The following PCDHGB3 variants were observed in gnomAD, a reference collection of about 807,000 sequenced individuals.
PCDHGB3 encodes the protein protocadherin gamma-B3.
PCDHGB3 carries 40 observed loss-of-function variants against 59.2 expected under a neutral mutation model. That is an observed-to-expected ratio of 0.68 (90% CI 0.52 to 0.88). PCDHGB3 has a LOEUF of 0.88. Ranked by LOEUF, PCDHGB3 falls within the 40% of genes least tolerant of loss-of-function variation. The pLI, the probability that PCDHGB3 is intolerant of heterozygous loss-of-function variation, is 0.00. For missense variants in PCDHGB3, 1,309 were observed against 1,187.9 expected (o/e 1.10, Z -1.50); for synonymous variants, 581 against 503.6 (o/e 1.15, Z -2.06).
intron 1 of PCDHGB3, chr5:141,376,193 T>C: frequency 6.2e-7 from 1 of 1,614,164 alleles, no homozygotes; most frequent in East Asian, 2.2e-5. Flanking sequence ...CTCCTGCGTC[T>C]TCCTGGCCTT....
At chr5:141,444,255 T>G (rs764607115) in intron 1 of PCDHGB3, among the ~76,000 whole-genome samples, 8 of 130,834 alleles carry the variant, frequency 6.1e-5, no homozygotes, top group Non-Finnish European at 1.2e-4. Context: ...CACTGCAACC[T>G]CCGCCTCCCA....
chr5:141,438,685 G>A (rs2098051190), intron 1 of PCDHGB3, among the ~76,000 whole-genome samples: 1 of 143,314 alleles, frequency 7.0e-6, no homozygotes, highest in Non-Finnish European at 1.5e-5. Context: ...GTAGGGGATG[G>A]AGTCTTGCTC....
chr5:141,398,107 A>C, intron 1 of PCDHGB3: 1 of 1,595,524 alleles, frequency 6.3e-7, no homozygotes, highest in Non-Finnish European at 8.5e-7. Flanking sequence ...GCTGGTGAGC[A>C]AGCTGAGGAG....
At position 141,491,023 on chromosome 5, in the gene PCDHGB3, G is replaced by A. The variant is rs773185039; in HGVS notation, c.2416-3784G>A. 17 of 1,613,990 alleles carry A rather than the reference G, an allele frequency of 1.1e-5. No individual in the cohort carries two copies. Among genetic ancestry groups the A allele is most frequent in the Admixed American group, 5.0e-5 (3 of 60,008 alleles). ...CTCCTTGGTCACCAAGGTGACAGCC[G>A]TGGATGCTGATGCAGGCCACAATGC... On this transcript the variant is annotated intron_variant, in intron 1 of 3. Coordinates refer to ENST00000576222, the MANE Select transcript of PCDHGB3 (RefSeq NM_018924.5). The surrounding 1 kb of genome is among the most constrained non-coding windows in gnomAD (Gnocchi z 6.9).
intron 1 of PCDHGB3, among the ~76,000 whole-genome samples, chr5:141,473,611 G>C (rs2099325261): frequency 6.6e-6 from 1 of 152,140 alleles, no homozygotes; most frequent in Non-Finnish European, 1.5e-5. Context: ...GCAAAGCAAA[G>C]GGAGGGAGGA....
rs911954966 is a variant in PCDHGB3, at chr5:141,491,081, C to G, written c.2416-3726C>G. On this transcript the variant is annotated intron_variant, in intron 1 of 3. Coordinates refer to ENST00000576222, the MANE Select transcript of PCDHGB3 (RefSeq NM_018924.5). This position sits in a 1 kb window ranked among gnomAD's most constrained non-coding sequence, Gnocchi z 6.9. ...TCCTACTCACTGTTGCCACAGTCCACAGCCCCAGGACTGTTCCTCGTGTCT... is the reference window on the plus strand; with the variant it reads ...TCCTACTCACTGTTGCCACAGTCCAGAGCCCCAGGACTGTTCCTCGTGTCT... The G allele has an allele frequency of 4.3e-6, 7 of 1,614,176 alleles. No individual in the cohort carries two copies. Among genetic ancestry groups the G allele is most frequent in the Non-Finnish European group, 5.9e-6 (7 of 1,180,010 alleles).
chr5:141,455,905 T>TTATG (rs2098836561), intron 1 of PCDHGB3, among the ~76,000 whole-genome samples: 1 of 148,340 alleles, frequency 6.7e-6, no homozygotes, highest in Admixed American at 6.7e-5. Flanking sequence ...ATTTATTTAT[T>TTATG]TATTTATTTT....
Position 141,374,537 on chromosome 5 carries a change from T to G in PCDHGB3, c.2415+1728T>G, listed in dbSNP as rs1430968090. Reference sequence around the variant, plus strand: ...CGAAAACGCAGCTCCATCCTCTCGTTTTCCACTAATGGAGGTCTATGACCC... The same window carrying G: ...CGAAAACGCAGCTCCATCCTCTCGTGTTCCACTAATGGAGGTCTATGACCC... On this transcript the variant is annotated intron_variant, in intron 1 of 3. Coordinates refer to ENST00000576222, the MANE Select transcript of PCDHGB3 (RefSeq NM_018924.5). 4 of 1,613,198 alleles carry G rather than the reference T, an allele frequency of 2.5e-6. No individual in the cohort carries two copies. In the Admixed American group the frequency reaches 5.0e-5, roughly 20 times the overall value.
At chr5:141,498,967 GGGAGGGAAGGAA>G (rs1374222518) in intron 2 of PCDHGB3, among the ~76,000 whole-genome samples, 13 of 129,674 alleles carry the variant, frequency 1.0e-4, no homozygotes, top group South Asian at 5.5e-4. Context: ...GAGGGAGGGA[GGGAGGGAAGGAA>G]GGAAGGAAGG....
chr5:141,478,711 T>C, intron 1 of PCDHGB3: 3 of 1,547,346 alleles, frequency 1.9e-6, no homozygotes, highest in Non-Finnish European at 1.7e-6. Flanking sequence ...CTTTGTGAGA[T>C]GGTGGCCTGC....
chr5:141,404,829 TGC>T lies in PCDHGB3; in HGVS notation c.2415+32023_2415+32024del, dbSNP rs774802551. 6.2e-6 allele frequency: 10 copies of T among 1,608,020 alleles called. No individual in the cohort carries two copies. In the Admixed American group the frequency reaches 1.7e-4, roughly 27 times the overall value. On this transcript the variant is annotated intron_variant, in intron 1 of 3. Coordinates refer to ENST00000576222, the MANE Select transcript of PCDHGB3 (RefSeq NM_018924.5). ...TCGGTGGGGCTGCACACAGGTGAAGTGCGCACAGCTCGGGCCCTGCTAGATAG... is the reference window on the plus strand; with the variant it reads ...TCGGTGGGGCTGCACACAGGTGAAGTGCACAGCTCGGGCCCTGCTAGATAG...
chr5:141,457,481 G>T (rs990111430), intron 1 of PCDHGB3, among the ~76,000 whole-genome samples: 1 of 152,212 alleles, frequency 6.6e-6, no homozygotes, highest in African/African-American at 2.4e-5. Context: ...CAGGGCCAGG[G>T]TTAGTCTAAA....
At chr5:141,385,328 G>A (rs767891948) in intron 1 of PCDHGB3, 13 of 1,588,314 alleles carry the variant, frequency 8.2e-6, no homozygotes, top group Middle Eastern at 1.7e-4. Flanking sequence ...ATTCAGGTGA[G>A]CCCAGCCCTT....
intron 1 of PCDHGB3, chr5:141,428,119 C>T (rs2097112199): frequency 6.2e-7 from 1 of 1,606,512 alleles, no homozygotes; most frequent in Non-Finnish European, 8.5e-7. Context: ...GCCATCGAGC[C>T]CGGGCTTTTC....
In PCDHGB3 at chr5:141,502,866, C is replaced by CTTTTTTTTTTTT. The variant is rs549047197; in HGVS notation, c.2475-2524_2475-2513dup. 2.4e-4 allele frequency among the ~76,000 whole-genome samples: 31 copies of CTTTTTTTTTTTT among 128,008 alleles called. 3 individuals are homozygous for CTTTTTTTTTTTT. Among genetic ancestry groups the CTTTTTTTTTTTT allele is most frequent in the African/African-American group, 3.4e-4 (11 of 32,350 alleles). 84.0% of individuals were successfully genotyped at this position (128,008 alleles called of 152,430 possible). ...GAGCTGCCTAACCCTGACTCTCTGT[C>CTTTTTTTTTTTT]TTTTTTTTTTTTTTGACAGGGAGTC... is the stretch of plus-strand genomic sequence containing the variant. On this transcript the variant is annotated intron_variant, in intron 2 of 3. Transcript: ENST00000576222.
chr5:141,430,255 T>TC (rs11167746), intron 1 of PCDHGB3, among the ~76,000 whole-genome samples: 81,857 of 151,872 alleles, frequency 0.54, 24,107 homozygotes, highest in African/African-American at 0.79. Flanking sequence ...GGGAGACATC[T>TC]CCATAATAGG....
chr5:141,482,470 C>T (rs768383368), intron 1 of PCDHGB3, among the ~76,000 whole-genome samples: 8 of 137,876 alleles, frequency 5.8e-5, no homozygotes, highest in Non-Finnish European at 1.2e-4. Flanking sequence ...ATGTGCCAGA[C>T]ACTGTAAACA....
In PCDHGB3 at chr5:141,414,189, G is replaced by C. The variant is rs1674006167; in HGVS notation, c.2415+41380G>C. ...CATATCTTGCAACTGCAAAAGTGTT[G>C]ATTACAGTAGAAGATGTAAATGACA... On this transcript the variant is annotated intron_variant, in intron 1 of 3. Transcript: ENST00000576222. 3.1e-6 allele frequency: 5 copies of C among 1,609,966 alleles called. No homozygotes were observed. The highest frequency in any genetic ancestry group is 3.4e-6 in the Non-Finnish European group (4 of 1,177,924).
chr5:141,477,193 C>G lies in PCDHGB3; in HGVS notation c.2416-17614C>G. The G allele has an allele frequency of 6.2e-7, 1 of 1,614,176 alleles. No homozygotes were observed. Among genetic ancestry groups the G allele is most frequent in the Non-Finnish European group, 8.5e-7 (1 of 1,180,036 alleles). On this transcript the variant is annotated intron_variant, in intron 1 of 3. Transcript: ENST00000576222. This position sits in a 1 kb window ranked among gnomAD's most constrained non-coding sequence, Gnocchi z 4.9. ...AGATCACAGTCACCTCCGTGTACAG[C>G]CCAGTACCCGAGGATGCCCCTCTGG...
Sources: gnomAD v4.1 joint callset for allele counts (sites outside exome capture counted in the v4.1 genomes callset) on GRCh38, gnomAD v4.1.1 for gene constraint, Gnocchi (gnomAD v3.1) non-coding constraint, MANE v1.5 for transcripts, NCBI Gene and HGNC (gene_info 2026-07-23, HGNC 2026-07-21) for gene names.